Variants in KCNH5 observed in about 807,000 individuals in gnomAD.
The protein encoded by KCNH5 is potassium voltage-gated channel subfamily H member 5.
In KCNH5, 46 loss-of-function variants were observed where a neutral mutation model predicts 96.1. That is an observed-to-expected ratio of 0.48 (90% CI 0.38 to 0.61). The LOEUF (loss-of-function observed/expected upper bound fraction) is 0.61. Ranked by LOEUF, KCNH5 falls within the 20% of genes least tolerant of loss-of-function variation. The pLI is 0.00. For missense variants in KCNH5, 907 were observed against 1,225.8 expected (o/e 0.74, Z 3.88); for synonymous variants, 439 against 449.8 (o/e 0.98, Z 0.30).
At chr14:62,876,714 T>C (rs10134880) in intron 7 of KCNH5, among the ~76,000 whole-genome samples, 2,256 of 152,270 alleles carry the variant, frequency 0.015, 58 homozygotes, top group African/African-American at 0.05. Context: ...CAACAGGGTA[T>C]TGCCATAAGG....
chr14:62,774,877 T>C (rs550052495), intron 10 of KCNH5, among the ~76,000 whole-genome samples: 17 of 152,216 alleles, frequency 1.1e-4, no homozygotes, highest in Non-Finnish European at 2.4e-4. Context: ...ACATGGGATC[T>C]TAATCTCCAG....
intron 2 of KCNH5, among the ~76,000 whole-genome samples, chr14:63,016,493 T>G (rs549928754): frequency 6.6e-6 from 1 of 152,170 alleles, no homozygotes; most frequent in Non-Finnish European, 1.5e-5. Flanking sequence ...GTTCCAGAGG[T>G]GCTGTAGATC....
chr14:62,857,555 G>A (rs895760383), intron 7 of KCNH5, among the ~76,000 whole-genome samples: 4 of 152,172 alleles, frequency 2.6e-5, no homozygotes, highest in African/African-American at 9.7e-5. Context: ...GGAGCAAGAA[G>A]AGCCAACCCG....
intron 8 of KCNH5, among the ~76,000 whole-genome samples, chr14:62,816,454 C>G (rs1886980901): frequency 6.6e-6 from 1 of 151,410 alleles, no homozygotes; most frequent in African/African-American, 2.4e-5. Flanking sequence ...ACAAAGCAGA[C>G]CCTGATCGAT....
chr14:62,920,624 CA>C (rs369412872), intron 7 of KCNH5, among the ~76,000 whole-genome samples: 6 of 150,936 alleles, frequency 4.0e-5, no homozygotes, highest in African/African-American at 1.5e-4. Flanking sequence ...GTTCTGGGTT[CA>C]AAAAAAATGC....
In KCNH5 at chr14:63,006,407, T is replaced by C. The variant is rs1036521077; in HGVS notation, c.263A>G (p.Tyr88Cys). 3 of 1,613,144 alleles carry C rather than the reference T, an allele frequency of 1.9e-6. No homozygotes were observed. Among genetic ancestry groups the C allele is most frequent in the Non-Finnish European group, 2.5e-6 (3 of 1,179,416 alleles). Residue 88 changes from tyrosine (Y) to cysteine (C), a missense_variant, in exon 3 of 11, where the codon TAC becomes TGC. Around this residue, in one of 6 missense-constraint regions of KCNH5, gnomAD observed 370 missense variants for 561.3 expected, o/e 0.66. Coordinates refer to ENST00000322893, the MANE Select transcript of KCNH5 (RefSeq NM_139318.5). Reference protein sequence around the residue: ...IEKVRQTFDNYESNCFEVLLY... With the variant: ...IEKVRQTFDNCESNCFEVLLY... ...AAGAACTTCAAAGCAGTTTGATTCGTAGTTGTCAAAAGTTTGCCTGACTTT... is the reference window on the plus strand; with the variant it reads ...AAGAACTTCAAAGCAGTTTGATTCGCAGTTGTCAAAAGTTTGCCTGACTTT...
At chr14:63,001,185 G>A (rs959909277) in intron 4 of KCNH5, 146 bp downstream of exon 4, 1 of 639,600 alleles carries the variant, frequency 1.6e-6, no homozygotes, top group African/African-American at 1.9e-5. Flanking sequence ...CAGTATGATT[G>A]AATAAAACAG....
intron 7 of KCNH5, among the ~76,000 whole-genome samples, chr14:62,907,371 A>C (rs1349590540): frequency 6.6e-6 from 1 of 152,230 alleles, no homozygotes; most frequent in South Asian, 2.1e-4. Flanking sequence ...CTGTCACTCT[A>C]TCAGAGAAGA....
intron 9 of KCNH5, among the ~76,000 whole-genome samples, chr14:62,781,460 C>T (rs759354040): frequency 1.6e-4 from 24 of 152,158 alleles, no homozygotes; most frequent in Non-Finnish European, 2.6e-4. Flanking sequence ...ATTTCCTCTT[C>T]CTAATAAGCC....
At chr14:62,837,627 A>T (rs1313108678) in intron 8 of KCNH5, among the ~76,000 whole-genome samples, 1 of 152,228 alleles carries the variant, frequency 6.6e-6, no homozygotes, top group Non-Finnish European at 1.5e-5. Flanking sequence ...AAATGATTTG[A>T]AGTTTGAGGT....
chr14:62,866,073 T>C (rs1225569137), intron 7 of KCNH5, among the ~76,000 whole-genome samples: 3 of 152,238 alleles, frequency 2.0e-5, no homozygotes, highest in Non-Finnish European at 4.4e-5. Flanking sequence ...CAGAATATAT[T>C]ACTCTACTTA....
At chr14:62,958,839 C>T (rs1377611150) in intron 6 of KCNH5, among the ~76,000 whole-genome samples, 3 of 152,062 alleles carry the variant, frequency 2.0e-5, no homozygotes, top group Non-Finnish European at 4.4e-5. Context: ...TGTCAACTAC[C>T]TAGCAAGTTT....
At chr14:62,786,575 T>A (rs553698802) in intron 9 of KCNH5, among the ~76,000 whole-genome samples, 2 of 152,300 alleles carry the variant, frequency 1.3e-5, no homozygotes, top group South Asian at 4.1e-4. Context: ...AAATTTGTAT[T>A]ACAATACAGG....
chr14:62,771,926 G>A (rs971226943), intron 10 of KCNH5, among the ~76,000 whole-genome samples: 3 of 152,122 alleles, frequency 2.0e-5, no homozygotes, highest in African/African-American at 2.4e-5. Flanking sequence ...TATACCCACC[G>A]ATATAACATA....
chr14:62,715,411 G>T (rs1256648011), intron 10 of KCNH5, among the ~76,000 whole-genome samples: 1 of 152,110 alleles, frequency 6.6e-6, no homozygotes, highest in Non-Finnish European at 1.5e-5. Context: ...TTGATTCTTT[G>T]GTTCTTCTTA....
chr14:62,927,383 T>C (rs986052777), intron 7 of KCNH5, among the ~76,000 whole-genome samples: 4 of 152,150 alleles, frequency 2.6e-5, no homozygotes, highest in Non-Finnish European at 5.9e-5. Flanking sequence ...ATTTCACTTC[T>C]GGATAGATAT....
chr14:62,802,972 T>C (rs558746562), intron 8 of KCNH5, among the ~76,000 whole-genome samples: 173 of 152,144 alleles, frequency 1.1e-3, no homozygotes, highest in African/African-American at 3.7e-3. Flanking sequence ...TGAAACCCTG[T>C]CTCTACTAAA....
chr14:62,929,452 C>G (rs1889538914), intron 7 of KCNH5, among the ~76,000 whole-genome samples: 1 of 152,010 alleles, frequency 6.6e-6, no homozygotes, highest in African/African-American at 2.4e-5. Flanking sequence ...CATTTTTCTA[C>G]TCAGAATGCT....
chr14:62,756,625 G>A (rs1422923609), intron 10 of KCNH5, among the ~76,000 whole-genome samples: 3 of 152,118 alleles, frequency 2.0e-5, no homozygotes, highest in African/African-American at 7.2e-5. Flanking sequence ...GAACAGAATA[G>A]AGAATTCAGT....
Sources: gnomAD v4.1 joint callset for allele counts (sites outside exome capture counted in the v4.1 genomes callset) on GRCh38, gnomAD v4.1.1 for gene constraint, gnomAD v4.1.1 regional missense constraint, MANE v1.5 for transcripts, NCBI Gene and HGNC (gene_info 2026-07-23, HGNC 2026-07-21) for gene names.